Variants in RFLNA observed in about 807,000 individuals in gnomAD.
The protein encoded by RFLNA is refilin-A.
Under a neutral mutation model 7.8 loss-of-function variants are expected in RFLNA, and 5 were observed. That is an observed-to-expected ratio of 0.64 (90% CI 0.34 to 1.35). The LOEUF (loss-of-function observed/expected upper bound fraction) is 1.35, where lower values mean the gene tolerates loss of function less well. Ranked by LOEUF, RFLNA falls within the 40% of genes most tolerant of loss-of-function variation. RFLNA has a pLI of 0.04. For missense variants in RFLNA, 278 were observed against 305.5 expected, an observed-to-expected ratio of 0.91 and a Z score of 0.67; for synonymous variants, 141 against 131.3, an observed-to-expected ratio of 1.07 and a Z score of -0.50.
upstream of RFLNA, among the ~76,000 whole-genome samples, chr12:124,290,299 A>G (rs916242249): frequency 1.3e-5 from 2 of 151,858 alleles, no homozygotes; most frequent in African/African-American, 4.8e-5. This position sits in a 1 kb window ranked among gnomAD's most constrained non-coding sequence, Gnocchi z 4.0. Context: ...TGCATGTGTT[A>G]GTGTGTATAT....
Position 124,311,805 on chromosome 12 carries a change from G to A in RFLNA, c.208-13G>A. The A allele has an allele frequency of 6.4e-7, 1 of 1,564,320 alleles. No homozygotes were observed. The highest frequency in any genetic ancestry group is 2.4e-5 in the East Asian group (1 of 41,090). On this transcript the variant is annotated splice_polypyrimidine_tract_variant and intron_variant, in intron 1 of 2. Coordinates refer to ENST00000546355, the MANE Select transcript of RFLNA (RefSeq NM_001365156.1). ...GGGGCTGCATAACCCCGTGTCCCTG[G>A]CTCTCCCCACAGCCCCCCTCCCAAC...
At chr12:124,305,395 A>G (rs2034120757) in intron 1 of RFLNA, among the ~76,000 whole-genome samples, 1 of 152,180 alleles carries the variant, frequency 6.6e-6, no homozygotes, top group Non-Finnish European at 1.5e-5. Context: ...CAGAGACGGG[A>G]AGTCATTGGC....
rs764432087 is a variant in RFLNA, at chr12:124,314,539, G to A, written c.*14G>A. ...GCCACGCTCTGACGGGGCTGGGGCCGGCCCGGGGTGCTGGAGGAGCCGGGA... is the reference window on the plus strand; with the variant it reads ...GCCACGCTCTGACGGGGCTGGGGCCAGCCCGGGGTGCTGGAGGAGCCGGGA... On this transcript the variant is annotated 3_prime_UTR_variant, in exon 3 of 3. Coordinates refer to ENST00000546355, the MANE Select transcript of RFLNA (RefSeq NM_001365156.1). 1.7e-5 allele frequency: 26 copies of A among 1,555,904 alleles called. No individual in the cohort carries two copies. Among genetic ancestry groups the A allele is most frequent in the African/African-American group, 4.1e-5 (3 of 73,638 alleles).
rs1555294164 is a variant in RFLNA, at chr12:124,296,181, C to CTTCTCTTCTG, written c.207+549_207+550insCTTCTGTTCT. Among the ~76,000 whole-genome samples, 2 of 5,948 alleles carry CTTCTCTTCTG rather than the reference C, an allele frequency of 3.4e-4. 1 individual carries two copies. Among genetic ancestry groups the CTTCTCTTCTG allele is most frequent in the African/African-American group, 1.2e-3 (2 of 1,720 alleles). 3.9% of individuals were successfully genotyped at this position (5,948 alleles called of 152,430 possible). A position where few individuals can be genotyped will look rare whatever the true frequency, so the allele number is the denominator to read the frequency against. On this transcript the variant is annotated intron_variant, in intron 1 of 2. Transcript: ENST00000546355. The stretch of plus-strand genomic sequence containing the variant: ...CTTCTCTTCTCTTCTCTTCTCTTCT[C>CTTCTCTTCTG]TTCTTTTCTTTTCTTTTCTTTTTTT...
Position 124,295,618 on chromosome 12 carries a change from A to G in RFLNA, c.189A>G (p.Gly63=). 3 of 1,140,478 alleles carry G rather than the reference A, an allele frequency of 2.6e-6. No individual in the cohort carries two copies. Among genetic ancestry groups the G allele is most frequent in the Non-Finnish European group, 3.2e-6 (3 of 933,006 alleles). The allele number at this position is 1,140,478 out of a possible 1,614,324, so 70.6% of individuals were successfully genotyped here. The part of the protein sequence containing the change: ...GGAGASSEPP[G]PSEARAPPSQ... ...CCGGCGCCTCCTCGGAGCCCCCGGG[A>G]CCCAGCGAGGCCAGAGCGGTAAGGA... Residue 63 remains glycine, a synonymous_variant, in exon 1 of 3, where the codon GGA becomes GGG. Transcript: ENST00000546355.
In RFLNA at chr12:124,300,720, GTGGATGGATGCATGGA is replaced by G. The variant is rs1328055410; in HGVS notation, c.207+5095_207+5110del. 6.7e-3 allele frequency among the ~76,000 whole-genome samples: 777 copies of G among 116,260 alleles called. 8 individuals carry two copies. The highest frequency in any genetic ancestry group is 0.02 in the African/African-American group (681 of 33,440). 76.3% of individuals were successfully genotyped at this position (116,260 alleles called of 152,430 possible). ...GAAGGATGGATGGATGGGCAGAAGG[GTGGATGGATGCATGGA>G]TGGATGGATGGATGGATGGATGGAT... On this transcript the variant is annotated intron_variant, in intron 1 of 2. Coordinates refer to ENST00000546355, the MANE Select transcript of RFLNA (RefSeq NM_001365156.1).
Position 124,295,388 on chromosome 12 carries a change from C to T in RFLNA, c.-42C>T, listed in dbSNP as rs2033888421. ...CGGGCCCCGGAGCGCGGTGGAGAAGCCCCCGGAGGAGCGGGGGGCCCGCGC... is the reference window on the plus strand; with the variant it reads ...CGGGCCCCGGAGCGCGGTGGAGAAGTCCCCGGAGGAGCGGGGGGCCCGCGC... On this transcript the variant is annotated 5_prime_UTR_variant, in exon 1 of 3. Transcript: ENST00000546355. 2 of 1,152,278 alleles carry T rather than the reference C, an allele frequency of 1.7e-6. No homozygotes were observed. The highest frequency in any genetic ancestry group is 2.2e-6 in the Non-Finnish European group (2 of 917,600). 71.4% of individuals were successfully genotyped at this position (1,152,278 alleles called of 1,614,324 possible).
At chr12:124,305,454 A>G (rs1184902752) in intron 1 of RFLNA, among the ~76,000 whole-genome samples, 1 of 152,188 alleles carries the variant, frequency 6.6e-6, no homozygotes, top group African/African-American at 2.4e-5. Context: ...GCCAATTACC[A>G]AACACAGAGT....
rs367644459 is a variant in RFLNA at position 124,314,905 on chromosome 12, C to T, written c.*380C>T. 4.2e-4 allele frequency: 164 copies of T among 389,026 alleles called. No homozygotes were observed. Among genetic ancestry groups the T allele is most frequent in the Middle Eastern group, 1.7e-3 (2 of 1,148 alleles). 24.1% of individuals were successfully genotyped at this position (389,026 alleles called of 1,614,324 possible). On this transcript the variant is annotated 3_prime_UTR_variant, in exon 3 of 3. Transcript: ENST00000546355. ...AGGACAGAGGCATCCCAGCCTCAGC[C>T]GGTGGGGACGGCTGCCACTCCCCCA...
At position 124,314,710 on chromosome 12, in the gene RFLNA, G is replaced by T; in HGVS notation, c.*185G>T. 2 of 1,004,162 alleles carry T rather than the reference G, an allele frequency of 2.0e-6. No homozygotes were observed. Among genetic ancestry groups the T allele is most frequent in the South Asian group, 2.8e-5 (2 of 72,664 alleles). The allele number at this position is 1,004,162 out of a possible 1,614,324, so 62.2% of individuals were successfully genotyped here. On this transcript the variant is annotated 3_prime_UTR_variant, in exon 3 of 3. Transcript: ENST00000546355. The stretch of plus-strand genomic sequence containing the variant: ...GCCCTGACCTACAGGCTAGGTGGTG[G>T]TCTCCTTGTTTTGGTGTCAAGGACT...
At chr12:124,313,296 C>T (rs1039267777) in intron 2 of RFLNA, among the ~76,000 whole-genome samples, 1 of 152,118 alleles carries the variant, frequency 6.6e-6, no homozygotes, top group Non-Finnish European at 1.5e-5. Context: ...AAGCTCTGGA[C>T]GTGGAACTGG....
At chr12:124,296,072 T>TTTTCTTTCTTTCTTTTTCTTTCTTTC (rs2033904971) in intron 1 of RFLNA, among the ~76,000 whole-genome samples, 1 of 94,652 alleles carries the variant, frequency 1.1e-5, no homozygotes, top group Non-Finnish European at 2.0e-5. Flanking sequence ...TGTGAAAGCC[T>TTTTCTTTCTTTCTTTTTCTTTCTTTC]TTTCTTTCTT....
At position 124,306,890 on chromosome 12, in the gene RFLNA, C is replaced by A. The variant is rs1593035174; in HGVS notation, c.208-4928C>A. 1.3e-5 allele frequency among the ~76,000 whole-genome samples: 2 copies of A among 152,254 alleles called. No homozygotes were observed. The highest frequency in any genetic ancestry group is 4.1e-4 in the South Asian group (2 of 4,830). On this transcript the variant is annotated intron_variant, in intron 1 of 2. Coordinates refer to ENST00000546355, the MANE Select transcript of RFLNA (RefSeq NM_001365156.1). This position sits in a 1 kb window ranked among gnomAD's most constrained non-coding sequence, Gnocchi z 5.2. ...TCACAGTTCCCGCCCAGCCCGATGTCCACCCTCCACTCCCTCTGCCCGAGG... is the reference window on the plus strand; with the variant it reads ...TCACAGTTCCCGCCCAGCCCGATGTACACCCTCCACTCCCTCTGCCCGAGG...
At chr12:124,292,430 T>A (rs2033837787), upstream of RFLNA, among the ~76,000 whole-genome samples, 1 of 152,208 alleles carries the variant, frequency 6.6e-6, no homozygotes. Context: ...CTGGCTCAGA[T>A]GAATTTATGG....
In RFLNA at chr12:124,314,932, AG is replaced by A. The variant is rs2034324591; in HGVS notation, c.*408del. 2.7e-6 allele frequency: 1 copy of A among 370,460 alleles called. No homozygotes were observed. Among genetic ancestry groups the A allele is most frequent in the African/African-American group, 2.1e-5 (1 of 47,582 alleles). The allele number at this position is 370,460 out of a possible 1,614,324, so 22.9% of individuals were successfully genotyped here. A position where few individuals can be genotyped will look rare whatever the true frequency, so the allele number is the denominator to read the frequency against. ...GTGGGGACGGCTGCCACTCCCCCAG[AG>A]CCCTGCCACCCCATGTGTCCTAGGC... On this transcript the variant is annotated 3_prime_UTR_variant, in exon 3 of 3. Transcript: ENST00000546355.
In RFLNA at chr12:124,289,686, G is replaced by A. The variant is rs945309387; in HGVS notation, c.-37+316G>A. ...CCAGCAAAGGCGGGCTGCAGGCTCC[G>A]AGAGGACACGGGCTAAAAATGAAGA... is the stretch of plus-strand genomic sequence containing the variant. On this transcript the variant is annotated intron_variant, in intron 1 of 2. Transcript: ENST00000324038. The surrounding 1 kb of genome is among the most constrained non-coding windows in gnomAD (Gnocchi z 5.0). Among the ~76,000 whole-genome samples the A allele has an allele frequency of 2.4e-4, 36 of 152,210 alleles. No individual in the cohort carries two copies. Among genetic ancestry groups the A allele is most frequent in the Middle Eastern group, 3.2e-3 (1 of 316 alleles).
At position 124,295,584 on chromosome 12, in the gene RFLNA, CG is replaced by C; in HGVS notation, c.161del (p.Gly54AlafsTer29). The C allele has an allele frequency of 2.4e-6, 3 of 1,243,146 alleles. No homozygotes were observed. Among genetic ancestry groups the C allele is most frequent in the South Asian group, 3.4e-5 (1 of 29,560 alleles). The allele number at this position is 1,243,146 out of a possible 1,614,324, so 77.0% of individuals were successfully genotyped here. A position where few individuals can be genotyped will look rare whatever the true frequency, so the allele number is the denominator to read the frequency against. ...SLAPGILDAR[A>X]GGAGASSEPP... ...GCGCCCGGCATCCTCGACGCGCGCGCGGGGGGCGCCGGCGCCTCCTCGGAGC... is the reference window on the plus strand; with the variant it reads ...GCGCCCGGCATCCTCGACGCGCGCGCGGGGGCGCCGGCGCCTCCTCGGAGC... On this transcript the variant is annotated frameshift_variant, in exon 1 of 3. Coordinates refer to ENST00000546355, the MANE Select transcript of RFLNA (RefSeq NM_001365156.1). LOFTEE classifies it high-confidence loss of function.
rs999003750 is a variant in RFLNA, at chr12:124,289,261, G to T, written c.-146G>T. 1 of 152,210 alleles carries T rather than the reference G, an allele frequency of 6.6e-6. No homozygotes were observed. Among genetic ancestry groups the T allele is most frequent in the Non-Finnish European group, 1.5e-5 (1 of 68,032 alleles). The allele number at this position is 152,210 out of a possible 1,614,324, so 9.4% of individuals were successfully genotyped here. On this transcript the variant is annotated 5_prime_UTR_variant, in exon 1 of 3. Coordinates refer to the RFLNA transcript ENST00000324038. This position sits in a 1 kb window ranked among gnomAD's most constrained non-coding sequence, Gnocchi z 5.0. The stretch of plus-strand genomic sequence containing the variant: ...TACTCAAGCTTGGGAGAAGCTGGCA[G>T]AAAAGGCCTTTTCAGCTAAAAGCTC...
chr12:124,314,660 G>A lies in RFLNA; in HGVS notation c.*135G>A. ...AGGCTGCCAGACCAAGGACCCGTGTGGAAGGAGGCGGCTCCCCGCTGCCTG... is the reference window on the plus strand; with the variant it reads ...AGGCTGCCAGACCAAGGACCCGTGTAGAAGGAGGCGGCTCCCCGCTGCCTG... On this transcript the variant is annotated 3_prime_UTR_variant, in exon 3 of 3. Coordinates refer to ENST00000546355, the MANE Select transcript of RFLNA (RefSeq NM_001365156.1). The A allele has an allele frequency of 7.0e-7, 1 of 1,424,290 alleles. No homozygotes were observed. The highest frequency in any genetic ancestry group is 2.5e-5 in the East Asian group (1 of 40,334). The allele number at this position is 1,424,290 out of a possible 1,614,324, so 88.2% of individuals were successfully genotyped here.
Sources: gnomAD v4.1 joint callset for allele counts (sites outside exome capture counted in the v4.1 genomes callset) on GRCh38, gnomAD v4.1.1 for gene constraint, Gnocchi (gnomAD v3.1) non-coding constraint, MANE v1.5 for transcripts, NCBI Gene and HGNC (gene_info 2026-07-23, HGNC 2026-07-21) for gene names.